Variants in EXT1 observed in about 807,000 individuals in gnomAD.
EXT1 encodes exostosin-1.
Under a neutral mutation model 82.5 loss-of-function variants are expected in EXT1, and 20 were observed. The observed-to-expected ratio is 0.24, with a 90% CI of 0.17 to 0.35. The LOEUF (loss-of-function observed/expected upper bound fraction) is 0.35, where lower values mean the gene tolerates loss of function less well. Ranked by LOEUF, EXT1 falls within the 10% of genes least tolerant of loss-of-function variation. EXT1 has a pLI of 1.00. For synonymous variants in EXT1, 348 were observed against 350.8 expected (o/e 0.99, Z 0.09); for missense variants, 757 against 936.5 (o/e 0.81, Z 2.50).
At chr8:118,091,873 T>C (rs1386209005) in intron 1 of EXT1, among the ~76,000 whole-genome samples, 1 of 152,110 alleles carries the variant, frequency 6.6e-6, no homozygotes, top group Non-Finnish European at 1.5e-5. Context: ...AATCTAACAA[T>C]TCAGATCCAA....
intron 1 of EXT1, among the ~76,000 whole-genome samples, chr8:118,037,566 G>A (rs1303263692): frequency 6.6e-6 from 1 of 151,956 alleles, no homozygotes; most frequent in Non-Finnish European, 1.5e-5. Context: ...AGAAATTAAT[G>A]TGTTTTCTCT....
At chr8:117,927,939 C>T (rs758296519) in intron 1 of EXT1, among the ~76,000 whole-genome samples, 5 of 152,190 alleles carry the variant, frequency 3.3e-5, no homozygotes, top group Non-Finnish European at 5.9e-5. Context: ...CTTAGGAACA[C>T]CTTCTTTTCA....
intron 1 of EXT1, among the ~76,000 whole-genome samples, chr8:118,016,426 G>T (rs6987491): frequency 0.083 from 12,675 of 152,182 alleles, 1,831 homozygotes; most frequent in African/African-American, 0.29. Flanking sequence ...AAGCCACTCC[G>T]TTTGTGGTAC....
chr8:118,050,422 G>A (rs929011729), intron 1 of EXT1, among the ~76,000 whole-genome samples: 1 of 152,194 alleles, frequency 6.6e-6, no homozygotes, highest in African/African-American at 2.4e-5. Context: ...ACATAACATG[G>A]ACTCTGTACT....
At chr8:117,879,108 A>AAT (rs1177405105) in intron 1 of EXT1, among the ~76,000 whole-genome samples, 2 of 152,230 alleles carry the variant, frequency 1.3e-5, no homozygotes, top group African/African-American at 4.8e-5. Flanking sequence ...ACAGCTCAAG[A>AAT]ATATATCATC....
chr8:117,853,772 T>C (rs1812494100), intron 1 of EXT1, among the ~76,000 whole-genome samples: 1 of 152,216 alleles, frequency 6.6e-6, no homozygotes, highest in South Asian at 2.1e-4. Flanking sequence ...GCTGAGTCTC[T>C]AAATAATCAC....
At chr8:117,820,416 C>T (rs900291396) in intron 5 of EXT1, among the ~76,000 whole-genome samples, 12 of 152,130 alleles carry the variant, frequency 7.9e-5, no homozygotes, top group Non-Finnish European at 1.5e-4. Flanking sequence ...TGTCTGGGCA[C>T]GGTGGCTCAC....
At chr8:118,032,461 T>C (rs1216153688) in intron 1 of EXT1, among the ~76,000 whole-genome samples, 4 of 152,028 alleles carry the variant, frequency 2.6e-5, no homozygotes, top group Non-Finnish European at 5.9e-5. Flanking sequence ...TCTAGTGTCT[T>C]TAAAATACCA....
At chr8:118,011,914 G>A (rs533134021) in intron 1 of EXT1, among the ~76,000 whole-genome samples, 127 of 152,260 alleles carry the variant, frequency 8.3e-4, no homozygotes, top group African/African-American at 2.9e-3. Context: ...GACAGTCATC[G>A]CAGGCAGAGT....
At chr8:118,040,119 C>A (rs1188181566) in intron 1 of EXT1, among the ~76,000 whole-genome samples, 2 of 152,036 alleles carry the variant, frequency 1.3e-5, no homozygotes, top group African/African-American at 2.4e-5. Context: ...TGGTGAGAAA[C>A]CTGATTTTGG....
rs186674758 is a variant in EXT1, at chr8:117,902,884, G to C, written c.963-65683C>G. Among the ~76,000 whole-genome samples the C allele has an allele frequency of 3.4e-4, 52 of 152,278 alleles. 1 individual carries two copies. Among genetic ancestry groups the C allele is most frequent in the African/African-American group, 1.1e-3 (47 of 41,552 alleles). ...ATGTTGCAAATACATCCAACAATCT[G>C]GGTATAAGGAATTTCTTTCTTTAGC... On this transcript the variant is annotated intron_variant, in intron 1 of 10. Transcript: ENST00000378204.
intron 4 of EXT1, among the ~76,000 whole-genome samples, chr8:117,829,089 C>G (rs1486801199): frequency 6.6e-6 from 1 of 152,144 alleles, no homozygotes; most frequent in Admixed American, 6.5e-5. Context: ...AGGAAGGCCA[C>G]AATGCCCCCA....
chr8:117,886,590 TAAGCACCA>T (rs1437327374), intron 1 of EXT1, among the ~76,000 whole-genome samples: 4 of 152,240 alleles, frequency 2.6e-5, no homozygotes, highest in African/African-American at 9.6e-5. Context: ...GCAAGTTGGC[TAAGCACCA>T]AAATGTCAAA....
chr8:118,025,283 TGAG>T (rs1816182430), intron 1 of EXT1, among the ~76,000 whole-genome samples: 1 of 152,164 alleles, frequency 6.6e-6, no homozygotes, highest in African/African-American at 2.4e-5. Flanking sequence ...GGCTTCACCA[TGAG>T]GAGGAGAACT....
intron 1 of EXT1, among the ~76,000 whole-genome samples, chr8:118,104,072 C>T (rs1412524905): frequency 6.6e-6 from 1 of 152,152 alleles, no homozygotes; most frequent in Non-Finnish European, 1.5e-5. Context: ...AGGAACCCTG[C>T]CATTTTCTCA....
At chr8:118,081,174 A>T (rs60157948) in intron 1 of EXT1, among the ~76,000 whole-genome samples, 160 of 152,316 alleles carry the variant, frequency 1.1e-3, no homozygotes, top group African/African-American at 3.6e-3. Context: ...ACGCAAAAGG[A>T]TATCAAATAC....
intron 1 of EXT1, among the ~76,000 whole-genome samples, chr8:117,963,548 T>C (rs1814745584): frequency 6.6e-6 from 1 of 152,264 alleles, no homozygotes; most frequent in African/African-American, 2.4e-5. Context: ...TGGACTGCAG[T>C]GCCAGGATCT....
At chr8:118,029,294 T>C (rs1307073570) in intron 1 of EXT1, among the ~76,000 whole-genome samples, 1 of 152,066 alleles carries the variant, frequency 6.6e-6, no homozygotes, top group Non-Finnish European at 1.5e-5. Context: ...GACATAGCGG[T>C]GTGCACCTGT....
chr8:118,057,812 A>G (rs1214488748), intron 1 of EXT1, among the ~76,000 whole-genome samples: 2 of 151,918 alleles, frequency 1.3e-5, no homozygotes, highest in Non-Finnish European at 2.9e-5. Context: ...CATCTCTACT[A>G]AAAATAAAAA....
Sources: allele counts gnomAD v4.1 joint callset (sites outside exome capture counted in the v4.1 genomes callset), GRCh38; gene constraint gnomAD v4.1.1; transcripts MANE v1.5; gene names NCBI Gene and HGNC (gene_info 2026-07-23, HGNC 2026-07-21).